Variants in STARD13 observed in about 807,000 individuals in gnomAD.
STARD13 encodes StAR related lipid transfer domain containing 13, also known as stAR-related lipid transfer protein 13.
In STARD13, 62 loss-of-function variants were observed where a neutral mutation model predicts 106.4. The ratio of observed to expected loss-of-function variants is 0.58; its 90% CI spans 0.48 to 0.72. STARD13 has a LOEUF of 0.72. STARD13 is among the 30% of genes least tolerant of loss of function. The probability of loss-of-function intolerance (pLI) is 0.00; values close to 1 mark genes in which losing one functional copy is unlikely to be tolerated. For synonymous variants in STARD13, 565 were observed against 553.0 expected, an observed-to-expected ratio of 1.02 and a Z score of -0.31; for missense variants, 1,387 against 1,424.0, an observed-to-expected ratio of 0.97 and a Z score of 0.42.
intron 1 of STARD13, among the ~76,000 whole-genome samples, chr13:33,186,892 C>T (rs778777640): frequency 3.3e-5 from 5 of 152,140 alleles, no homozygotes; most frequent in Non-Finnish European, 7.3e-5. Context: ...TGCCAGAAAG[C>T]CCCGCGTTCC....
chr13:33,494,666 G>A, the STARD13 span, among the ~76,000 whole-genome samples: 1 of 152,040 alleles, frequency 6.6e-6, no homozygotes, highest in Admixed American at 6.6e-5. Flanking sequence ...TAAGATTATA[G>A]TCCAGATGCA....
At chr13:33,666,842 T>C in the STARD13 span, among the ~76,000 whole-genome samples, 1 of 152,192 alleles carries the variant, frequency 6.6e-6, no homozygotes, top group East Asian at 1.9e-4. Context: ...TCCACCTTCC[T>C]CAGCTTCCCA....
At chr13:33,293,079 G>C (rs1892353979) in intron 1 of STARD13, among the ~76,000 whole-genome samples, 1 of 152,170 alleles carries the variant, frequency 6.6e-6, no homozygotes, top group South Asian at 2.1e-4. Flanking sequence ...CAGCCTCCAA[G>C]TATCAGCTTA....
chr13:33,112,368 GAA>G (rs1566531821), intron 9 of STARD13, among the ~76,000 whole-genome samples: 1 of 152,302 alleles, frequency 6.6e-6, no homozygotes, highest in East Asian at 1.9e-4. Flanking sequence ...TTCTGATTAT[GAA>G]AAGAGTGTTG....
the STARD13 span, among the ~76,000 whole-genome samples, chr13:33,375,969 T>TAA: frequency 6.6e-6 from 1 of 152,192 alleles, no homozygotes; most frequent in African/African-American, 2.4e-5. Context: ...CTTTACTGGT[T>TAA]TTGACCACAT....
chr13:33,527,297 C>T, the STARD13 span, among the ~76,000 whole-genome samples: 1 of 151,830 alleles, frequency 6.6e-6, no homozygotes, highest in East Asian at 1.9e-4. Flanking sequence ...TTCCTTTGTT[C>T]CTTTCCCAGA....
chr13:33,184,912 T>A (rs1885603773), intron 1 of STARD13, among the ~76,000 whole-genome samples: 1 of 152,242 alleles, frequency 6.6e-6, no homozygotes, highest in Admixed American at 6.5e-5. Context: ...TTTCCTCCTA[T>A]GTGTAGTTGG....
intron 1 of STARD13, among the ~76,000 whole-genome samples, chr13:33,231,954 G>A (rs1247444773): frequency 2.6e-5 from 4 of 152,076 alleles, no homozygotes; most frequent in Non-Finnish European, 4.4e-5. Flanking sequence ...GCATGTAACC[G>A]AGCACATCCC....
chr13:33,624,651 G>C, the STARD13 span, among the ~76,000 whole-genome samples: 4 of 152,192 alleles, frequency 2.6e-5, no homozygotes, highest in Non-Finnish European at 4.4e-5. Flanking sequence ...TTTCCTTTGA[G>C]CCTCCTAAGG....
chr13:33,158,888 C>T (rs1480231428), intron 3 of STARD13: 1 of 152,322 alleles, frequency 6.6e-6, no homozygotes, highest in Non-Finnish European at 1.5e-5. Flanking sequence ...CTGTCTACCT[C>T]CTCTGCTTCT....
chr13:33,522,011 T>C, the STARD13 span, among the ~76,000 whole-genome samples: 1 of 152,150 alleles, frequency 6.6e-6, no homozygotes, highest in Admixed American at 6.6e-5. Flanking sequence ...TGTTAATTTT[T>C]AAGAAAATCA....
In STARD13 at chr13:33,215,645, C is replaced by G. The variant is rs1193737564; in HGVS notation, c.170-48023G>C. 3.3e-5 allele frequency among the ~76,000 whole-genome samples: 5 copies of G among 152,182 alleles called. No homozygotes were observed. In the East Asian group the frequency reaches 9.7e-4, roughly 29 times the overall value. On this transcript the variant is annotated intron_variant, in intron 1 of 13. Coordinates refer to ENST00000336934, the MANE Select transcript of STARD13 (RefSeq NM_178006.4). ...AGAGTTACTGGAGTGGGGACTAGAACAAGCAGAGAAATCTCATTTTCTAGG... is the reference window on the plus strand; with the variant it reads ...AGAGTTACTGGAGTGGGGACTAGAAGAAGCAGAGAAATCTCATTTTCTAGG...
the STARD13 span, among the ~76,000 whole-genome samples, chr13:33,377,113 T>A: frequency 5.3e-5 from 8 of 152,226 alleles, no homozygotes; most frequent in Non-Finnish European, 8.8e-5. Context: ...CTATTGTTAG[T>A]AAAAACAATC....
At chr13:33,606,899 C>A in the STARD13 span, among the ~76,000 whole-genome samples, 1 of 152,206 alleles carries the variant, frequency 6.6e-6, no homozygotes, top group Non-Finnish European at 1.5e-5. Context: ...TTTCAGACCG[C>A]TTCTTCTGCC....
the STARD13 span, among the ~76,000 whole-genome samples, chr13:33,587,908 A>G: frequency 6.6e-6 from 1 of 152,254 alleles, no homozygotes; most frequent in East Asian, 1.9e-4. Flanking sequence ...TGTTGAAATA[A>G]TATTTTGAAT....
At chr13:33,292,331 A>G (rs967587112) in intron 1 of STARD13, among the ~76,000 whole-genome samples, 3 of 152,028 alleles carry the variant, frequency 2.0e-5, no homozygotes, top group African/African-American at 7.2e-5. Context: ...GCCCTCATAA[A>G]GAATCAGCAG....
Position 33,127,478 on chromosome 13 carries a change from C to T in STARD13, c.1817G>A (p.Ser606Asn), listed in dbSNP as rs1200428141. ...GCTCAGCTGGCTGGCCGTCTGGCTGCTGATGTGGGGCGATGCTGGGGCCGG... is the reference window on the plus strand; with the variant it reads ...GCTCAGCTGGCTGGCCGTCTGGCTGTTGATGTGGGGCGATGCTGGGGCCGG... ...PRPAPASPHI[S>N]SQTASQLSLL... Residue 606 changes from serine (S) to asparagine (N), a missense_variant, in exon 6 of 14, where the codon AGC (serine) becomes AAC (asparagine). Transcript: ENST00000336934. 1.3e-6 allele frequency: 2 copies of T among 1,596,638 alleles called. No homozygotes were observed. The highest frequency in any genetic ancestry group is 1.3e-5 in the African/African-American group (1 of 74,610).
At chr13:33,302,457 C>T (rs1471574851) in intron 1 of STARD13, among the ~76,000 whole-genome samples, 2 of 151,932 alleles carry the variant, frequency 1.3e-5, no homozygotes, top group African/African-American at 2.4e-5. Flanking sequence ...ACTCTGTTGC[C>T]CAGAATGGAG....
At chr13:33,319,117 A>T (rs771682388) in intron 1 of STARD13, among the ~76,000 whole-genome samples, 10 of 152,252 alleles carry the variant, frequency 6.6e-5, no homozygotes, top group Non-Finnish European at 1.5e-4. Flanking sequence ...AGCATTATTC[A>T]TCGTAGCTAA....
Sources: gnomAD v4.1 joint callset for allele counts (sites outside exome capture counted in the v4.1 genomes callset) on GRCh38, gnomAD v4.1.1 for gene constraint, MANE v1.5 for transcripts, NCBI Gene and HGNC (gene_info 2026-07-23, HGNC 2026-07-21) for gene names.